Variants in ALDH1A2 observed in about 807,000 individuals in gnomAD.
ALDH1A2 encodes retinal dehydrogenase 2.
A neutral mutation model predicts 60.3 loss-of-function variants in ALDH1A2; 27 were observed. The observed-to-expected ratio is 0.45, with a 90% CI of 0.33 to 0.62. The LOEUF (loss-of-function observed/expected upper bound fraction) is 0.62, where lower values mean the gene tolerates loss of function less well. Among genes scored for constraint, ALDH1A2 ranks in the 20% least tolerant of loss-of-function variants. The probability of loss-of-function intolerance (pLI) is 0.02; values close to 1 mark genes in which losing one functional copy is unlikely to be tolerated. For missense variants in ALDH1A2, 581 were observed against 643.8 expected (o/e 0.90, Z 1.06); for synonymous variants, 289 against 232.4 (o/e 1.24, Z -2.21).
intron 7 of ALDH1A2, chr15:57,990,360 T>C (rs2140488083): frequency 6.6e-6 from 1 of 152,342 alleles, no homozygotes; most frequent in South Asian, 2.1e-4. Context: ...AGTAAAATTT[T>C]TCTTGGGTCT....
chr15:58,017,652 G>C (rs970916385), intron 1 of ALDH1A2, among the ~76,000 whole-genome samples: 1 of 152,018 alleles, frequency 6.6e-6, no homozygotes, highest in African/African-American at 2.4e-5. Flanking sequence ...GACAGCTCAT[G>C]ACCAGTTATT....
At chr15:58,064,258 G>A (rs536084769) in intron 1 of ALDH1A2, among the ~76,000 whole-genome samples, 1 of 152,070 alleles carries the variant, frequency 6.6e-6, no homozygotes, top group Non-Finnish European at 1.5e-5. Context: ...TGCCTAAAAG[G>A]TTATAACCAT....
intron 11 of ALDH1A2, 119 bp from the exon 12 acceptor site, chr15:57,960,963 T>A: frequency 7.5e-7 from 1 of 1,338,744 alleles, no homozygotes; most frequent in Non-Finnish European, 1.0e-6. Context: ...AGGAAAAAAT[T>A]GTAATTTAAA....
At chr15:58,007,210 G>A (rs1566946359) in intron 4 of ALDH1A2, among the ~76,000 whole-genome samples, 1 of 151,980 alleles carries the variant, frequency 6.6e-6, no homozygotes, top group African/African-American at 2.4e-5. Flanking sequence ...GAAGCTCACA[G>A]GAACCTAATC....
chr15:58,013,727 G>C, intron 3 of ALDH1A2, 131 bp downstream of exon 3: 1 of 1,264,640 alleles, frequency 7.9e-7, no homozygotes, highest in Non-Finnish European at 1.1e-6. Context: ...GCTCCAGCCT[G>C]GGCGACAGAG....
chr15:57,980,334 G>T (rs1894449671), intron 7 of ALDH1A2: 4 of 423,804 alleles, frequency 9.4e-6, no homozygotes, highest in East Asian at 6.3e-5. Flanking sequence ...GCCTTGAACA[G>T]GTCCATGGGG....
intron 1 of ALDH1A2, among the ~76,000 whole-genome samples, chr15:58,036,043 TCTTA>T: frequency 6.6e-6 from 1 of 151,748 alleles, no homozygotes; most frequent in East Asian, 1.9e-4. Context: ...CAAGGATAGC[TCTTA>T]CTACTTCTAT....
At chr15:58,058,490 A>T (rs1896950024) in intron 1 of ALDH1A2, among the ~76,000 whole-genome samples, 3 of 151,166 alleles carry the variant, frequency 2.0e-5, no homozygotes, top group Admixed American at 6.6e-5. Context: ...AAAAAAACCT[A>T]AGAGTCACTG....
intron 1 of ALDH1A2, among the ~76,000 whole-genome samples, chr15:58,016,137 ATTTTTT>A (rs532101226): frequency 7.4e-6 from 1 of 134,406 alleles, no homozygotes; most frequent in East Asian, 2.1e-4. Context: ...ACTGATCCTA[ATTTTTT>A]TTTTTTTTTT....
chr15:58,055,075 T>C (rs1460573347), intron 1 of ALDH1A2, among the ~76,000 whole-genome samples: 1 of 152,094 alleles, frequency 6.6e-6, no homozygotes, highest in Non-Finnish European at 1.5e-5. Flanking sequence ...AGCAAGGCTT[T>C]AGGTTAATAG....
chr15:58,047,532 C>G (rs1896665650), intron 1 of ALDH1A2, among the ~76,000 whole-genome samples: 1 of 151,916 alleles, frequency 6.6e-6, no homozygotes. Context: ...TATCATTTAC[C>G]TATAAAAAAC....
chr15:57,991,327 T>C (rs1234117947), intron 7 of ALDH1A2: 1 of 152,220 alleles, frequency 6.6e-6, no homozygotes, highest in Admixed American at 6.5e-5. Flanking sequence ...TTCATTAAAC[T>C]GCAAAATTAC....
intron 1 of ALDH1A2, among the ~76,000 whole-genome samples, chr15:58,058,803 T>G (rs185601921): frequency 5.9e-5 from 9 of 152,282 alleles, no homozygotes; most frequent in Admixed American, 5.2e-4. Context: ...AGAGCTGAAC[T>G]GGAGTAAAAG....
chr15:58,022,824 T>C (rs1275869111), intron 1 of ALDH1A2, among the ~76,000 whole-genome samples: 2 of 152,038 alleles, frequency 1.3e-5, no homozygotes, highest in African/African-American at 2.4e-5. Context: ...AAATGCCCCA[T>C]CCAACCAACA....
At chr15:57,983,116 G>A (rs940940907) in intron 7 of ALDH1A2, among the ~76,000 whole-genome samples, 1 of 152,176 alleles carries the variant, frequency 6.6e-6, no homozygotes, top group Non-Finnish European at 1.5e-5. Context: ...TTAAATGACT[G>A]TTAAAAGTAC....
chr15:58,053,365 A>G (rs1595693197), intron 1 of ALDH1A2, among the ~76,000 whole-genome samples: 2 of 152,110 alleles, frequency 1.3e-5, no homozygotes, highest in African/African-American at 4.8e-5. Context: ...TGTTCCAAAA[A>G]AGCAAAAAGC....
At chr15:58,037,492 T>C (rs1250560606) in intron 1 of ALDH1A2, among the ~76,000 whole-genome samples, 1 of 151,680 alleles carries the variant, frequency 6.6e-6, no homozygotes, top group African/African-American at 2.4e-5. Context: ...TATTCAATGT[T>C]GAATAACTAG....
At chr15:57,996,998 T>A (rs1464052355) in intron 4 of ALDH1A2, among the ~76,000 whole-genome samples, 2 of 152,066 alleles carry the variant, frequency 1.3e-5, no homozygotes, top group Non-Finnish European at 2.9e-5. Flanking sequence ...GCCTCTGTCA[T>A]AATATTGCAA....
chr15:57,961,688 T>C (rs757086688), intron 10 of ALDH1A2, among the ~76,000 whole-genome samples: 1 of 152,198 alleles, frequency 6.6e-6, no homozygotes, highest in Non-Finnish European at 1.5e-5. Context: ...TTCTCTCTCC[T>C]GGTTAACATC....
Sources: allele counts gnomAD v4.1 joint callset (sites outside exome capture counted in the v4.1 genomes callset), GRCh38; gene constraint gnomAD v4.1.1; transcripts MANE v1.5; gene names NCBI Gene and HGNC (gene_info 2026-07-23, HGNC 2026-07-21).